DDX18: variants seen among roughly 807,000 people sequenced by gnomAD.
DDX18 encodes the protein DEAD-box helicase 18, also known as ATP-dependent RNA helicase DDX18.
Under a neutral mutation model 73.5 loss-of-function variants are expected in DDX18, and 23 were observed. That is an observed-to-expected ratio of 0.31 (90% CI 0.23 to 0.44). The LOEUF (loss-of-function observed/expected upper bound fraction) is 0.44, where lower values mean the gene tolerates loss of function less well. Among genes scored for constraint, DDX18 ranks in the 20% least tolerant of loss-of-function variants. The pLI is 1.00. For synonymous variants in DDX18, 268 were observed against 282.7 expected (o/e 0.95, Z 0.52); for missense variants, 753 against 792.9 (o/e 0.95, Z 0.60).
chr2:117,821,107 T>C, intron 3 of DDX18, 54 bp from the exon 4 acceptor site: 2 of 1,361,096 alleles, frequency 1.5e-6, no homozygotes, highest in Non-Finnish European at 1.9e-6. Flanking sequence ...ACTGTAGCAA[T>C]ACTTTTTTAA....
At chr2:117,824,769 TGGAA>T (rs1052669632) in intron 8 of DDX18, 61 bp downstream of exon 8, 29 of 1,479,030 alleles carry the variant, frequency 2.0e-5, no homozygotes, top group African/African-American at 7.1e-5. Flanking sequence ...ATGTAATTGT[TGGAA>T]GGATCATTCA....
chr2:117,817,755 A>G (rs765130050), intron 2 of DDX18, 27 bp downstream of exon 2: 2 of 1,568,848 alleles, frequency 1.3e-6, no homozygotes, highest in Non-Finnish European at 1.7e-6. Context: ...TTTGAACTTC[A>G]GCCATTTAGT....
intron 11 of DDX18, 153 bp downstream of exon 11, chr2:117,826,535 C>G: frequency 1.4e-6 from 1 of 702,236 alleles, no homozygotes; most frequent in Non-Finnish European, 2.4e-6. Context: ...GTACTTCTAG[C>G]CCAAGAAGTG....
chr2:117,816,382 T>G (rs903027563), intron 1 of DDX18, among the ~76,000 whole-genome samples: 5 of 152,320 alleles, frequency 3.3e-5, no homozygotes, highest in South Asian at 2.1e-4. Flanking sequence ...TACAAAAAGT[T>G]TCCTTTTGTC....
Position 117,825,761 on chromosome 2 carries a change from C to G in DDX18, c.1521+162C>G, listed in dbSNP as rs577522941. On this transcript the variant is annotated intron_variant, in intron 10 of 13. Transcript: ENST00000263239. ...GTATTGAAAAGTACTTAAGGCTTTT[C>G]AGGGCTCAAACGGGCTGTGCCAGAG... The G allele has an allele frequency of 6.0e-5, 48 of 799,328 alleles. 2 individuals carry two copies. The South Asian group carries it at 1.1e-3, about 18-fold the overall frequency. The allele number at this position is 799,328 out of a possible 1,614,324, so 49.5% of individuals were successfully genotyped here.
rs537531968 is a variant in DDX18 at position 117,831,037 on chromosome 2, C to A, written c.*313C>A. On this transcript the variant is annotated 3_prime_UTR_variant, in exon 14 of 14. Transcript: ENST00000263239. The stretch of plus-strand genomic sequence containing the variant: ...TGTATGTTACCATTTTAATATAATT[C>A]TTTTTGTACCTTTCCTTCTTGTTTT... The A allele has an allele frequency of 4.4e-4, 116 of 261,610 alleles. No homozygotes were observed. Among genetic ancestry groups the A allele is most frequent in the African/African-American group, 2.6e-3 (112 of 43,652 alleles). The allele number at this position is 261,610 out of a possible 1,614,324, so 16.2% of individuals were successfully genotyped here. A position where few individuals can be genotyped will look rare whatever the true frequency, so the allele number is the denominator to read the frequency against.
intron 1 of DDX18, among the ~76,000 whole-genome samples, chr2:117,816,160 C>T (rs1033469210): frequency 1.3e-5 from 2 of 152,156 alleles, no homozygotes; most frequent in Non-Finnish European, 2.9e-5. Flanking sequence ...AGTCAGTGAG[C>T]GGTGAGTGAA....
chr2:117,829,861 TG>T (rs1217215434), intron 13 of DDX18, among the ~76,000 whole-genome samples: 2 of 152,166 alleles, frequency 1.3e-5, no homozygotes, highest in Admixed American at 6.5e-5. Context: ...AAAGAGAGGA[TG>T]GGACCTTTCA....
intron 11 of DDX18, chr2:117,827,541 A>G (rs1026925785): frequency 7.9e-6 from 1 of 126,998 alleles, no homozygotes; most frequent in Non-Finnish European, 1.6e-5. Context: ...CCTGTGTCCA[A>G]GTGTTCTCAT....
At position 117,821,293 on chromosome 2, in the gene DDX18, G is replaced by T; in HGVS notation, c.647G>T (p.Gly216Val). 1 of 1,600,036 alleles carries T rather than the reference G, an allele frequency of 6.2e-7. No homozygotes were observed. Among genetic ancestry groups the T allele is most frequent in the Non-Finnish European group, 8.5e-7 (1 of 1,176,174 alleles). The change falls in exon 4 of 14, where the codon GGC (glycine) becomes GTC (valine). Residue 216 changes from glycine to valine, a missense_variant. Gly to Val is a moderately radical substitution (Grantham distance 109). This residue lies in a region of DDX18 where 345 missense variants were observed against 352.0 expected (regional missense o/e 0.98). Transcript: ENST00000263239. ...AAAAGTATCAGACCACTTCTGGAAGGCAGGTATGATTAACATTGAAGCTTA... is the reference window on the plus strand; with the variant it reads ...AAAAGTATCAGACCACTTCTGGAAGTCAGGTATGATTAACATTGAAGCTTA... ...QHKSIRPLLE[G>V]RDLLAAAKTG... is the part of the protein sequence containing the mutation.
rs1428053829 is a variant in DDX18 at position 117,817,839 on chromosome 2, C to T, written c.370+111C>T. 7.7e-6 allele frequency: 9 copies of T among 1,167,254 alleles called. No homozygotes were observed. In the Admixed American group the frequency reaches 1.5e-4, roughly 19 times the overall value. The allele number at this position is 1,167,254 out of a possible 1,614,324, so 72.3% of individuals were successfully genotyped here. On this transcript the variant is annotated intron_variant, in intron 2 of 13. Coordinates refer to ENST00000263239, the MANE Select transcript of DDX18 (RefSeq NM_006773.4). ...TGACATGAGAATTCCCTGTACTCAC[C>T]AGTATGTTAGAGATTAGCCTGGTAG... is the stretch of plus-strand genomic sequence containing the variant.
intron 8 of DDX18, 82 bp from the exon 9 acceptor site, chr2:117,824,858 G>A: frequency 6.6e-7 from 1 of 1,506,292 alleles, no homozygotes; most frequent in African/African-American, 1.4e-5. Flanking sequence ...GTTTATCAGT[G>A]CTCTTGATGA....
In DDX18 at chr2:117,817,472, T is replaced by C; in HGVS notation, c.114T>C (p.Thr38=). 1 of 1,610,962 alleles carries C rather than the reference T, an allele frequency of 6.2e-7. No individual in the cohort carries two copies. Among genetic ancestry groups the C allele is most frequent in the Non-Finnish European group, 8.5e-7 (1 of 1,179,440 alleles). The change falls in exon 2 of 14, where the codon ACT becomes ACC. Residue 38 remains threonine, a synonymous_variant. Transcript: ENST00000263239. Reference sequence around the variant, plus strand: ...CCTCAAATCTGACCCTATCGGAAACTCAAAATGGAGATGTATCTGAAGAAA... The same window carrying C: ...CCTCAAATCTGACCCTATCGGAAACCCAAAATGGAGATGTATCTGAAGAAA... ...QGASNLTLSE[T]QNGDVSEETM...
At position 117,830,769 on chromosome 2, in the gene DDX18, A is replaced by AT. The variant is rs111539858; in HGVS notation, c.*53dup. The AT allele has an allele frequency of 1.5e-3, 2,452 of 1,596,140 alleles. 42 individuals are homozygous for AT. The African/African-American group carries it at 0.03, about 19-fold the overall frequency. ...CTTGAATAACTTTGTCCTAAAATGA[A>AT]TTTTTTTTCCCCTTGATTTAACAGG... On this transcript the variant is annotated 3_prime_UTR_variant, in exon 14 of 14. Transcript: ENST00000263239.
chr2:117,824,991 C>T lies in DDX18; in HGVS notation c.1258C>T (p.Leu420Phe). ...EKRFLLLFTF[L>F]KKNRKKKLMV... ...GAGATTCCTTCTGCTCTTTACATTC[C>T]TTAAGAAGAACCGAAAGAAGAAGCT... The change falls in exon 9 of 14, where the codon CTT becomes TTT. Residue 420 changes from leucine to phenylalanine, a missense_variant. Physicochemically the swap from Leu to Phe is conservative, Grantham distance 22. Transcript: ENST00000263239. The T allele has an allele frequency of 6.2e-7, 1 of 1,613,724 alleles. No homozygotes were observed. Among genetic ancestry groups the T allele is most frequent in the South Asian group, 1.1e-5 (1 of 91,056 alleles).
chr2:117,826,487 CA>C, intron 11 of DDX18, 105 bp downstream of exon 11: 1 of 1,039,248 alleles, frequency 9.6e-7, no homozygotes, highest in Non-Finnish European at 1.4e-6. Context: ...AGTGCTGTTA[CA>C]ACCATTCTTA....
In DDX18 at chr2:117,824,083, C is replaced by T. The variant is rs761160855; in HGVS notation, c.1067-486C>T. 3.9e-5 allele frequency among the ~76,000 whole-genome samples: 6 copies of T among 152,114 alleles called. No individual in the cohort carries two copies. In the South Asian group the frequency reaches 6.2e-4, roughly 16 times the overall value. On this transcript the variant is annotated intron_variant, in intron 7 of 13. Transcript: ENST00000263239. ...ATTTCAAATTTTGTATATGTGCTCA[C>T]GAATTGTATTGGTCCATAGTTTTCT...
At chr2:117,822,312 A>T (rs761492629) in intron 7 of DDX18, 51 bp downstream of exon 7, 23 of 1,427,732 alleles carry the variant, frequency 1.6e-5, no homozygotes, top group Non-Finnish European at 1.9e-5. Context: ...TTGGAGGTAG[A>T]TAAGAGTTGT....
intron 7 of DDX18, chr2:117,822,877 T>G (rs186343093): frequency 1.3e-5 from 2 of 152,506 alleles, no homozygotes; most frequent in East Asian, 1.9e-4. Flanking sequence ...GCTGCTAGAT[T>G]AGGTTGCATT....
Sources: allele counts gnomAD v4.1 joint callset (sites outside exome capture counted in the v4.1 genomes callset), GRCh38; gene constraint gnomAD v4.1.1; regional missense constraint gnomAD v4.1.1; transcripts MANE v1.5; gene names NCBI Gene and HGNC (gene_info 2026-07-23, HGNC 2026-07-21).